MATCAP2: variants seen among roughly 807,000 people sequenced by gnomAD.
MATCAP2 encodes microtubule associated tyrosine carboxypeptidase 2, also known as putative tyrosine carboxypeptidase MATCAP2.
At chr7:36,362,121 T>G in the MATCAP2 span, among the ~76,000 whole-genome samples, 3 of 152,352 alleles carry the variant, frequency 2.0e-5, no homozygotes. Context: ...ACTTGTAGAC[T>G]TTATTTAAGT....
At chr7:36,327,229 C>T in the MATCAP2 span, among the ~76,000 whole-genome samples, 1 of 152,164 alleles carries the variant, frequency 6.6e-6, no homozygotes, top group Non-Finnish European at 1.5e-5. Context: ...ACCTCCACCT[C>T]CCGGGTTCAG....
chr7:36,381,959 G>A, the MATCAP2 span, among the ~76,000 whole-genome samples: 1 of 152,104 alleles, frequency 6.6e-6, no homozygotes, highest in South Asian at 2.1e-4. Context: ...AGACATCAAT[G>A]GAGTGCAATA....
chr7:36,384,708 GA>G, the MATCAP2 span, among the ~76,000 whole-genome samples: 1 of 152,184 alleles, frequency 6.6e-6, no homozygotes, highest in Non-Finnish European at 1.5e-5. Context: ...CTTCTTTCAG[GA>G]GGTAGCACAT....
the MATCAP2 span, chr7:36,389,853 G>A: frequency 5.8e-6 from 7 of 1,203,978 alleles, no homozygotes; most frequent in Non-Finnish European, 8.3e-6. Flanking sequence ...TTGAACGGCT[G>A]CAGAGGCCGA....
the MATCAP2 span, among the ~76,000 whole-genome samples, chr7:36,337,317 C>G: frequency 6.6e-6 from 1 of 151,840 alleles, no homozygotes; most frequent in South Asian, 2.1e-4. Flanking sequence ...CACAAATTAA[C>G]ACACATATGC....
chr7:36,358,122 C>T, the MATCAP2 span, among the ~76,000 whole-genome samples: 6 of 151,752 alleles, frequency 4.0e-5, no homozygotes, highest in Admixed American at 6.6e-5. Flanking sequence ...TGCCTGAATC[C>T]GGGAGGCAGA....
chr7:36,357,657 T>G, the MATCAP2 span: 2 of 1,168,360 alleles, frequency 1.7e-6, no homozygotes, highest in Non-Finnish European at 2.4e-6. Flanking sequence ...AACTGTTTAT[T>G]AGGAAAGGTA....
At chr7:36,353,481 C>CTTTTT in the MATCAP2 span, among the ~76,000 whole-genome samples, 1 of 130,832 alleles carries the variant, frequency 7.6e-6, no homozygotes, top group African/African-American at 2.9e-5. Flanking sequence ...TGTTTATGCT[C>CTTTTT]TTTTTTTTTT....
At chr7:36,339,741 CAGAAG>C in the MATCAP2 span, among the ~76,000 whole-genome samples, 18 of 152,296 alleles carry the variant, frequency 1.2e-4, 1 homozygote, top group East Asian at 1.3e-3. Flanking sequence ...TGAAGAATTG[CAGAAG>C]AGAAGTGGTA....
chr7:36,383,208 C>G, the MATCAP2 span, among the ~76,000 whole-genome samples: 1 of 152,106 alleles, frequency 6.6e-6, no homozygotes, highest in African/African-American at 2.4e-5. Context: ...TAAAATAGCC[C>G]TTTTCAATAA....
chr7:36,389,369 T>A, the MATCAP2 span, among the ~76,000 whole-genome samples: 1 of 151,466 alleles, frequency 6.6e-6, no homozygotes, highest in East Asian at 2.0e-4. Context: ...TAATCCTTTT[T>A]TTTTCTTTTT....
At chr7:36,343,842 G>A in the MATCAP2 span, among the ~76,000 whole-genome samples, 5 of 151,800 alleles carry the variant, frequency 3.3e-5, no homozygotes, top group Admixed American at 6.6e-5. Flanking sequence ...TTATAAAAAC[G>A]AATAAAAGAA....
chr7:36,339,841 A>C, the MATCAP2 span, among the ~76,000 whole-genome samples: 147,494 of 152,282 alleles, frequency 0.97, 71,611 homozygotes, highest in East Asian at 1. Flanking sequence ...GCTTATAGAT[A>C]TTTTTTTTAT....
chr7:36,371,526 T>TA, the MATCAP2 span, among the ~76,000 whole-genome samples: 1 of 152,258 alleles, frequency 6.6e-6, no homozygotes, highest in African/African-American at 2.4e-5. Flanking sequence ...GTTTTGGTAT[T>TA]AAAAAAAGTA....
chr7:36,329,539 G>A, the MATCAP2 span, among the ~76,000 whole-genome samples: 5 of 152,152 alleles, frequency 3.3e-5, no homozygotes, highest in South Asian at 2.1e-4. Context: ...ACTGTGCCCA[G>A]ACATTTTACT....
the MATCAP2 span, among the ~76,000 whole-genome samples, chr7:36,328,239 T>TAG: frequency 4.0e-5 from 1 of 25,236 alleles, no homozygotes; most frequent in East Asian, 2.6e-3. Flanking sequence ...TTTGTTTTTG[T>TAG]AGGGGGGGGG....
At chr7:36,357,206 T>A in the MATCAP2 span, 1 of 1,614,180 alleles carries the variant, frequency 6.2e-7, no homozygotes, top group Admixed American at 1.7e-5. Context: ...AACAGAGATA[T>A]CATGTGTAAA....
chr7:36,325,174 C>T, the MATCAP2 span: 142,992 of 152,316 alleles, frequency 0.94, 67,336 homozygotes, highest in South Asian at 0.98. Flanking sequence ...TTCTAGTGTT[C>T]GGTGAGCATT....
At chr7:36,327,385 T>C in the MATCAP2 span, among the ~76,000 whole-genome samples, 1 of 152,202 alleles carries the variant, frequency 6.6e-6, no homozygotes, top group South Asian at 2.1e-4. Flanking sequence ...TCCACCCACC[T>C]TGGCCTCCCA....
Sources: allele counts gnomAD v4.1 joint callset (sites outside exome capture counted in the v4.1 genomes callset), GRCh38; gene constraint gnomAD v4.1.1; transcripts MANE v1.5; gene names NCBI Gene and HGNC (gene_info 2026-07-23, HGNC 2026-07-21).